TAF1: variants seen among roughly 807,000 people sequenced by gnomAD.
TAF1 encodes transcription initiation factor TFIID subunit 1.
Under a neutral mutation model 138.5 loss-of-function variants are expected in TAF1, and 2 were observed. That is an observed-to-expected ratio of 0.01 (90% CI 0.01 to 0.05). TAF1 has a LOEUF of 0.05. Among genes scored for constraint, TAF1 ranks in the 10% least tolerant of loss-of-function variants. TAF1 has a pLI of 1.00. For synonymous variants in TAF1, 437 were observed against 503.2 expected (o/e 0.87, Z 1.76); for missense variants, 709 against 1,478.0 (o/e 0.48, Z 8.53).
At chrX:71,431,600 A>G (rs1356315009) in intron 32 of TAF1, among the ~76,000 whole-genome samples, 1 of 110,701 alleles carries the variant, frequency 9.0e-6, no homozygotes, top group Non-Finnish European at 1.9e-5. Flanking sequence ...ATAAGAATAG[A>G]CCTGACAAAT....
At chrX:71,483,536 G>A (rs1315898200) in intron 13 of TAF1, among the ~76,000 whole-genome samples, 2 of 106,236 alleles carry the variant, frequency 1.9e-5, no homozygotes, top group African/African-American at 6.9e-5. Context: ...GCAGTGAGCC[G>A]TGATTGTGCC....
Position 71,379,098 on chromosome X carries a change from A to G in TAF1, c.1360+67A>G, listed in dbSNP as rs1003083717. 7 of 719,977 alleles carry G rather than the reference A, an allele frequency of 9.7e-6. No individual in the cohort carries two copies. In the East Asian group the frequency reaches 1.8e-4, roughly 19 times the overall value. 59.3% of individuals were successfully genotyped at this position (719,977 alleles called of 1,213,427 possible). A position where few individuals can be genotyped will look rare whatever the true frequency, so the allele number is the denominator to read the frequency against. ...AATCTTAGTCACCATAAGTGGGCTC[A>G]GCTGTGATTTTTTTTTTTTTTTTTT... On this transcript the variant is annotated intron_variant, in intron 8 of 37. Coordinates refer to ENST00000423759, the MANE Select transcript of TAF1 (RefSeq NM_004606.5).
intron 6 of TAF1, 127 bp from the exon 7 acceptor site, chrX:71,378,108 A>T (rs1382568867): frequency 1.4e-6 from 1 of 696,148 alleles, no homozygotes; most frequent in Non-Finnish European, 2.1e-6. Context: ...TCCATTGTTT[A>T]CATTCTAACT....
At chrX:71,450,811 T>C (rs1449469062) in intron 32 of TAF1, among the ~76,000 whole-genome samples, 3 of 112,604 alleles carry the variant, frequency 2.7e-5, no homozygotes, top group Non-Finnish European at 5.6e-5. Flanking sequence ...GATCAGTATA[T>C]TAAAAGAACA....
chrX:71,422,096 G>A (rs148932484), intron 29 of TAF1, among the ~76,000 whole-genome samples: 6 of 111,990 alleles, frequency 5.4e-5, no homozygotes, highest in Non-Finnish European at 1.1e-4. Flanking sequence ...GTCCCATTAC[G>A]CAAAAGTCAC....
At chrX:71,418,761 AT>A (rs1259701142) in intron 28 of TAF1, among the ~76,000 whole-genome samples, 337 of 70,642 alleles carry the variant, frequency 4.8e-3, no homozygotes, top group African/African-American at 0.011. Context: ...CAGTATGGAG[AT>A]TTTTTTTTTT....
At chrX:71,417,554 G>T (rs1602602665) in intron 28 of TAF1, among the ~76,000 whole-genome samples, 1 of 109,861 alleles carries the variant, frequency 9.1e-6, no homozygotes, top group Admixed American at 9.8e-5. Context: ...TGTAGAGACA[G>T]GGTTTCGTCA....
At chrX:71,481,486 G>A (rs1171675258) in intron 13 of TAF1, among the ~76,000 whole-genome samples, 1 of 112,419 alleles carries the variant, frequency 8.9e-6, no homozygotes, top group Non-Finnish European at 1.9e-5. Context: ...AAGGAGACCA[G>A]AGTCAAATCT....
chrX:71,397,465 A>G lies in TAF1; in HGVS notation c.3619A>G (p.Ile1207Val), dbSNP rs1198390808. The G allele has an allele frequency of 8.3e-7, 1 of 1,211,528 alleles. No individual in the cohort carries two copies. Among genetic ancestry groups the G allele is most frequent in the South Asian group, 1.8e-5 (1 of 56,995 alleles). ...ACGGACTACAAAAGATGAGGAATTC[A>G]TGTGAGTTTGATTTACCACTTCCTT... ...RIRTTKDEEF[I>V]RKFALFDEQH... The change falls in exon 23 of 38, where the codon ATT (isoleucine) becomes GTT (valine). Residue 1207 changes from isoleucine (I) to valine (V), a missense_variant and splice_region_variant. Transcript: ENST00000423759.
intron 14 of TAF1, among the ~76,000 whole-genome samples, chrX:71,386,450 A>G (rs957458440): frequency 5.4e-5 from 6 of 110,778 alleles, no homozygotes; most frequent in South Asian, 3.7e-4. Flanking sequence ...CACTCTTTCT[A>G]CCTCATTGGT....
chrX:71,371,073 T>C (rs972881438), intron 3 of TAF1, among the ~76,000 whole-genome samples: 2 of 111,808 alleles, frequency 1.8e-5, no homozygotes, highest in African/African-American at 6.5e-5. Context: ...TTATTTTCAG[T>C]AGAAGTTATA....
intron 13 of TAF1, among the ~76,000 whole-genome samples, chrX:71,499,656 C>T (rs936024392): frequency 2.7e-5 from 3 of 111,038 alleles, no homozygotes; most frequent in Admixed American, 9.6e-5. Flanking sequence ...GACTCCAGTC[C>T]CCATGATCTG....
chrX:71,378,117 C>A, intron 6 of TAF1, 118 bp from the exon 7 acceptor site: 1 of 739,272 alleles, frequency 1.4e-6, no homozygotes, highest in Non-Finnish European at 2.0e-6. Flanking sequence ...TACATTCTAA[C>A]TCCAGGTAAA....
At chrX:71,445,274 T>G (rs1327460291) in intron 32 of TAF1, among the ~76,000 whole-genome samples, 1 of 96,734 alleles carries the variant, frequency 1.0e-5, no homozygotes, top group African/African-American at 3.9e-5. Flanking sequence ...CACTCCAACC[T>G]GGACGACAGA....
chrX:71,506,534 T>C (rs1443318152), intron 13 of TAF1, among the ~76,000 whole-genome samples: 5 of 106,265 alleles, frequency 4.7e-5, no homozygotes, highest in South Asian at 8.3e-4. Flanking sequence ...AATATATATT[T>C]TTTTAAAAAA....
chrX:71,522,947 C>T (rs1338608868), intron 13 of TAF1, among the ~76,000 whole-genome samples: 1 of 108,266 alleles, frequency 9.2e-6, no homozygotes, highest in Non-Finnish European at 1.9e-5. Context: ...TTTGGGAGGC[C>T]GAGGCAAGGA....
exon 15 of TAF1, chrX:71,530,219 C>G (rs1045542616): frequency 1.7e-5 from 2 of 117,761 alleles, no homozygotes; most frequent in African/African-American, 6.6e-5. Context: ...GTTTTAAGAT[C>G]AATTTTAATT....
chrX:71,470,700 A>C (rs1260634913), downstream of TAF1, among the ~76,000 whole-genome samples: 1 of 107,286 alleles, frequency 9.3e-6, no homozygotes, highest in Non-Finnish European at 1.9e-5. Context: ...TTTTAAAAAA[A>C]GAATGTATAG....
In TAF1 at chrX:71,372,711, C is replaced by T. The variant is rs1359025504; in HGVS notation, c.353-2456C>T. On this transcript the variant is annotated intron_variant, in intron 3 of 37. Coordinates refer to ENST00000423759, the MANE Select transcript of TAF1 (RefSeq NM_004606.5). ...AAGAGTGTAGGCTTTGTTGTTAAAC[C>T]AGGCTTGCATTCTGATTTTGTCACT... Among the ~76,000 whole-genome samples, 3 of 109,362 alleles carry T rather than the reference C, an allele frequency of 2.7e-5. No individual in the cohort carries two copies. The East Asian group carries it at 8.6e-4, about 31-fold the overall frequency. 95.0% of individuals were successfully genotyped at this position (109,362 alleles called of 115,157 possible).
Sources: allele counts gnomAD v4.1 joint callset (sites outside exome capture counted in the v4.1 genomes callset), GRCh38; gene constraint gnomAD v4.1.1; transcripts MANE v1.5; gene names NCBI Gene and HGNC (gene_info 2026-07-23, HGNC 2026-07-21).